Variants in SMARCA2 observed in about 807,000 individuals in gnomAD.
SMARCA2 encodes SWI/SNF related BAF chromatin remodeling complex subunit ATPase 2, also known as SWI/SNF-related matrix-associated actin-dependent regulator of chromatin subfamily A member 2.
In SMARCA2, 61 loss-of-function variants were observed where a neutral mutation model predicts 199.8. The observed-to-expected ratio is 0.31, with a 90% CI of 0.25 to 0.38. The LOEUF (loss-of-function observed/expected upper bound fraction) is 0.38. SMARCA2 is among the 10% of genes least tolerant of loss of function. SMARCA2 has a pLI of 1.00. For synonymous variants in SMARCA2, 935 were observed against 732.0 expected, an observed-to-expected ratio of 1.28 and a Z score of -4.48; for missense variants, 1,344 against 2,012.2, an observed-to-expected ratio of 0.67 and a Z score of 6.35.
At chr9:2,184,909 T>C (rs971748868) in intron 31 of SMARCA2, among the ~76,000 whole-genome samples, 3 of 152,156 alleles carry the variant, frequency 2.0e-5, no homozygotes, top group African/African-American at 7.2e-5. Context: ...GCCTATATTG[T>C]TCATTTGGTG....
At chr9:2,077,518 A>G in intron 13 of SMARCA2, 111 bp from the exon 14 acceptor site, 1 of 1,057,674 alleles carries the variant, frequency 9.5e-7, no homozygotes, top group Non-Finnish European at 1.4e-6. Context: ...GTTGATAAAT[A>G]AAACACACTT....
At chr9:2,135,626 C>G (rs766490074) in intron 27 of SMARCA2, among the ~76,000 whole-genome samples, 15 of 152,152 alleles carry the variant, frequency 9.9e-5, no homozygotes, top group Admixed American at 5.2e-4. Flanking sequence ...ACTGCAACCT[C>G]TGCCTCCTGG....
At position 2,104,021 on chromosome 9, in the gene SMARCA2, C is replaced by T. The variant is rs1369351814; in HGVS notation, c.3144C>T (p.Ala1048=). Residue 1048 remains alanine (A), a synonymous_variant, in exon 23 of 34, where the codon GCC becomes GCT. Coordinates refer to ENST00000349721, the MANE Select transcript of SMARCA2 (RefSeq NM_003070.5). The surrounding 1 kb of genome is among the most constrained non-coding windows in gnomAD (Gnocchi z 4.0). ...GGTTCAGGGCTGAACTGTATCGGGC[C>T]TCAGGGAAGTTTGAGCTGCTTGATC... is the stretch of plus-strand genomic sequence containing the variant. ...GVINGAELYR[A]SGKFELLDRI... The T allele has an allele frequency of 1.2e-6, 2 of 1,613,980 alleles. No homozygotes were observed. Among genetic ancestry groups the T allele is most frequent in the African/African-American group, 1.3e-5 (1 of 74,992 alleles).
At chr9:2,175,313 C>G (rs1375446675) in intron 29 of SMARCA2, among the ~76,000 whole-genome samples, 1 of 149,306 alleles carries the variant, frequency 6.7e-6, no homozygotes, top group African/African-American at 2.5e-5. Context: ...CCCCGCCCCC[C>G]CCCAACAATA....
At chr9:2,035,963 A>G (rs567989579) in intron 3 of SMARCA2, among the ~76,000 whole-genome samples, 1 of 152,318 alleles carries the variant, frequency 6.6e-6, no homozygotes, top group African/African-American at 2.4e-5. Flanking sequence ...TTATTAATAT[A>G]AAAACACAGG....
intron 29 of SMARCA2, among the ~76,000 whole-genome samples, chr9:2,180,066 C>A (rs561693773): frequency 6.6e-6 from 1 of 152,086 alleles, no homozygotes; most frequent in African/African-American, 2.4e-5. Context: ...TAGGGAAGGA[C>A]GAACGCATTT....
rs779391747 is a variant in SMARCA2, at chr9:2,170,536, T to G, written c.4253+64T>G. On this transcript the variant is annotated intron_variant, in intron 29 of 33. Coordinates refer to ENST00000349721, the MANE Select transcript of SMARCA2 (RefSeq NM_003070.5). This position sits in a 1 kb window ranked among gnomAD's most constrained non-coding sequence, Gnocchi z 4.7. ...GGTATCCCTCGTTACGTGAAACAGATTGAATCATATAATCGGCCTTTGGAA... is the reference window on the plus strand; with the variant it reads ...GGTATCCCTCGTTACGTGAAACAGAGTGAATCATATAATCGGCCTTTGGAA... The G allele has an allele frequency of 3.1e-5, 50 of 1,611,818 alleles. No homozygotes were observed. The highest frequency in any genetic ancestry group is 4.2e-5 in the Non-Finnish European group (49 of 1,178,742).
chr9:2,181,173 T>C (rs7847337), intron 29 of SMARCA2: 28,851 of 149,594 alleles, frequency 0.19, 4,051 homozygotes, highest in African/African-American at 0.39. Context: ...AAATACAATG[T>C]TTAAATATGT....
intron 5 of SMARCA2, among the ~76,000 whole-genome samples, chr9:2,049,776 T>G (rs1820037445): frequency 6.6e-6 from 1 of 152,242 alleles, no homozygotes; most frequent in Non-Finnish European, 1.5e-5. Context: ...ATGAAGTCCC[T>G]TAGGCACTTG....
chr9:2,040,180 A>G, intron 4 of SMARCA2: 1 of 637,202 alleles, frequency 1.6e-6, no homozygotes, highest in South Asian at 2.2e-5. Flanking sequence ...AAGCGGTTCA[A>G]GGTTTCTTGG....
Position 2,170,951 on chromosome 9 carries a change from G to A in SMARCA2, c.4253+479G>A, listed in dbSNP as rs1169295360. Reference sequence around the variant, plus strand: ...ATTCCAGAGTTGATCATGGCATGCAGAGGGCAATTGCTGAGTTGTCTCTTG... The same window carrying A: ...ATTCCAGAGTTGATCATGGCATGCAAAGGGCAATTGCTGAGTTGTCTCTTG... On this transcript the variant is annotated intron_variant, in intron 29 of 33. Coordinates refer to ENST00000349721, the MANE Select transcript of SMARCA2 (RefSeq NM_003070.5). This position sits in a 1 kb window ranked among gnomAD's most constrained non-coding sequence, Gnocchi z 4.7. Among the ~76,000 whole-genome samples the A allele has an allele frequency of 6.6e-6, 1 of 152,230 alleles. No homozygotes were observed. Among genetic ancestry groups the A allele is most frequent in the African/African-American group, 2.4e-5 (1 of 41,462 alleles).
intron 27 of SMARCA2, among the ~76,000 whole-genome samples, chr9:2,142,418 T>C (rs543040976): frequency 6.6e-6 from 1 of 152,198 alleles, no homozygotes; most frequent in Non-Finnish European, 1.5e-5. Flanking sequence ...TTATGCTTGC[T>C]TAAACTGGCC....
At chr9:2,098,649 T>C (rs1351352752) in intron 21 of SMARCA2, among the ~76,000 whole-genome samples, 2 of 151,948 alleles carry the variant, frequency 1.3e-5, no homozygotes, top group Non-Finnish European at 1.5e-5. Context: ...CAACAACACT[T>C]TAAAAATCTC....
intron 21 of SMARCA2, among the ~76,000 whole-genome samples, chr9:2,100,585 C>T (rs990554633): frequency 5.3e-5 from 8 of 151,928 alleles, no homozygotes; most frequent in Non-Finnish European, 1.2e-4. Context: ...TGCTGTAGTC[C>T]CAGCTATTCA....
intron 27 of SMARCA2, among the ~76,000 whole-genome samples, chr9:2,143,481 G>A (rs1158236684): frequency 6.6e-6 from 1 of 152,192 alleles, no homozygotes; most frequent in East Asian, 1.9e-4. Context: ...AAGATTAATT[G>A]AAGAGGTCAA....
intron 1 of SMARCA2, among the ~76,000 whole-genome samples, chr9:2,020,085 T>A (rs891367376): frequency 6.6e-6 from 1 of 152,210 alleles, no homozygotes; most frequent in Non-Finnish European, 1.5e-5. Flanking sequence ...TAAGGGACGA[T>A]AGGGACAAAT....
chr9:2,077,849 A>C, intron 14 of SMARCA2, 73 bp downstream of exon 14: 2 of 1,375,404 alleles, frequency 1.5e-6, no homozygotes, highest in Non-Finnish European at 2.0e-6. Flanking sequence ...TATGTCGTGC[A>C]CATGTTGACT....
intron 4 of SMARCA2, 21 bp from the exon 5 acceptor site, chr9:2,047,208 C>A (rs1429138619): frequency 2.3e-5 from 23 of 1,012,804 alleles, no homozygotes; most frequent in Non-Finnish European, 2.7e-5. Context: ...CCGAGCTGCC[C>A]ATGTCGCTCT....
At position 2,123,957 on chromosome 9, in the gene SMARCA2, C is replaced by A. The variant is rs747426741; in HGVS notation, c.3981+20C>A. The stretch of plus-strand genomic sequence containing the variant: ...CTAAGGGTAAGCCTAGCTTTTCTAA[C>A]CCGCTCTCACTAGGTGGAGGGTTTT... On this transcript the variant is annotated intron_variant, in intron 27 of 33. Transcript: ENST00000349721. The surrounding 1 kb of genome is among the most constrained non-coding windows in gnomAD (Gnocchi z 4.1). The A allele has an allele frequency of 1.9e-6, 3 of 1,540,638 alleles. No individual in the cohort carries two copies. The highest frequency in any genetic ancestry group is 1.4e-5 in the African/African-American group (1 of 72,946).
Sources: gnomAD v4.1 joint callset for allele counts (sites outside exome capture counted in the v4.1 genomes callset) on GRCh38, gnomAD v4.1.1 for gene constraint, Gnocchi (gnomAD v3.1) non-coding constraint, MANE v1.5 for transcripts, NCBI Gene and HGNC (gene_info 2026-07-23, HGNC 2026-07-21) for gene names.